The following GMDS variants were observed in gnomAD, a reference collection of about 807,000 sequenced individuals.
GMDS encodes the protein GDP-mannose 4,6 dehydratase.
Under a neutral mutation model 49.9 loss-of-function variants are expected in GMDS, and 20 were observed. That is an observed-to-expected ratio of 0.40 (90% CI 0.28 to 0.58). The LOEUF (loss-of-function observed/expected upper bound fraction) is 0.58. Ranked by LOEUF, GMDS falls within the 20% of genes least tolerant of loss-of-function variation. The pLI is 0.42. For missense variants in GMDS, 362 were observed against 481.4 expected (o/e 0.75, Z 2.32); for synonymous variants, 177 against 178.6 (o/e 0.99, Z 0.07).
At chr6:1,821,611 G>GT (rs3039703) in intron 7 of GMDS, among the ~76,000 whole-genome samples, 2,601 of 109,702 alleles carry the variant, frequency 0.024, 121 homozygotes, top group Middle Eastern at 0.04. Context: ...CAATTTATTT[G>GT]TTTTTTTTTT....
intron 9 of GMDS, among the ~76,000 whole-genome samples, chr6:1,660,621 AG>A (rs1342015535): frequency 1.2e-4 from 18 of 151,632 alleles, no homozygotes; most frequent in African/African-American, 4.1e-4. Context: ...TCAAGTAGTC[AG>A]GCAGTGTGAT....
intron 4 of GMDS, among the ~76,000 whole-genome samples, chr6:2,065,479 A>G (rs1211357978): frequency 6.6e-6 from 1 of 152,218 alleles, no homozygotes; most frequent in East Asian, 1.9e-4. Context: ...TCCGAGTTAC[A>G]AGAGGACATT....
At chr6:1,705,243 G>C (rs899590972) in intron 9 of GMDS, among the ~76,000 whole-genome samples, 4 of 152,212 alleles carry the variant, frequency 2.6e-5, no homozygotes, top group Non-Finnish European at 5.9e-5. Context: ...GGTGCACAGA[G>C]CCTTTCCAAA....
At chr6:1,722,352 G>T (rs574167384) in intron 9 of GMDS, among the ~76,000 whole-genome samples, 1 of 151,450 alleles carries the variant, frequency 6.6e-6, no homozygotes, top group South Asian at 2.1e-4. Flanking sequence ...CTCCCAAAAT[G>T]CTGGGATTAC....
At position 2,007,496 on chromosome 6, in the gene GMDS, G is replaced by A. The variant is rs184745163; in HGVS notation, c.346-46530C>T. ...CATTATCTGTCCAGGCTTTTATAAC[G>A]AAAAATTCTGTAAGAAATTTAGCCT... On this transcript the variant is annotated intron_variant, in intron 4 of 10. Coordinates refer to ENST00000380815, the MANE Select transcript of GMDS (RefSeq NM_001500.4). 7.0e-3 allele frequency among the ~76,000 whole-genome samples: 1,058 copies of A among 151,958 alleles called. 6 individuals carry two copies. The highest frequency in any genetic ancestry group is 0.028 in the Middle Eastern group (8 of 290).
At chr6:1,762,445 T>C (rs868134956) in intron 7 of GMDS, among the ~76,000 whole-genome samples, 2 of 152,274 alleles carry the variant, frequency 1.3e-5, no homozygotes, top group Admixed American at 6.5e-5. Flanking sequence ...GTAAAGGCCA[T>C]GCTCGCACGG....
rs1179713030 is a variant in GMDS at position 1,623,899 on chromosome 6, A to G, written c.*270T>C. The G allele has an allele frequency of 4.3e-6, 2 of 463,832 alleles. No homozygotes were observed. The highest frequency in any genetic ancestry group is 7.6e-6 in the Non-Finnish European group (2 of 263,130). The allele number at this position is 463,832 out of a possible 1,614,324, so 28.7% of individuals were successfully genotyped here. A position where few individuals can be genotyped will look rare whatever the true frequency, so the allele number is the denominator to read the frequency against. On this transcript the variant is annotated 3_prime_UTR_variant, in exon 11 of 11. Transcript: ENST00000380815. ...TGTGTAACAACATAATTTCAAGTAA[A>G]GTGAATGTGATTAAAACATCTTGAT...
intron 9 of GMDS, among the ~76,000 whole-genome samples, chr6:1,671,998 C>T (rs756038227): frequency 6.6e-6 from 1 of 152,004 alleles, no homozygotes; most frequent in African/African-American, 2.4e-5. Context: ...CTTTTAGTGG[C>T]AAAAATTGTG....
chr6:1,749,334 TC>T, intron 7 of GMDS, among the ~76,000 whole-genome samples: 1 of 152,130 alleles, frequency 6.6e-6, no homozygotes, highest in Non-Finnish European at 1.5e-5. Flanking sequence ...ACACCTGCAA[TC>T]TTAGCACTTT....
intron 4 of GMDS, among the ~76,000 whole-genome samples, chr6:2,055,140 G>A (rs766131714): frequency 5.3e-5 from 8 of 151,906 alleles, no homozygotes; most frequent in Admixed American, 4.6e-4. Flanking sequence ...AAGATAGAGC[G>A]ATAAAAACTA....
intron 7 of GMDS, among the ~76,000 whole-genome samples, chr6:1,785,567 G>A (rs576192064): frequency 4.2e-4 from 64 of 152,274 alleles, no homozygotes; most frequent in African/African-American, 1.5e-3. Flanking sequence ...GCCCCCTTGG[G>A]CATCCTCCCA....
intron 6 of GMDS, among the ~76,000 whole-genome samples, chr6:1,938,045 A>G (rs1762635828): frequency 6.6e-6 from 1 of 152,170 alleles, no homozygotes; most frequent in Admixed American, 6.5e-5. Flanking sequence ...GAAATACATG[A>G]TAAAACATGA....
intron 1 of GMDS, among the ~76,000 whole-genome samples, chr6:2,176,509 T>C (rs1165268920): frequency 6.6e-6 from 1 of 152,060 alleles, no homozygotes; most frequent in African/African-American, 2.4e-5. Flanking sequence ...TGGAGGAAAT[T>C]CGGGGTTGGG....
intron 6 of GMDS, among the ~76,000 whole-genome samples, chr6:1,935,919 G>C (rs2146920): frequency 0.3 from 45,107 of 151,968 alleles, 7,143 homozygotes; most frequent in Middle Eastern, 0.36. Flanking sequence ...TCAAAGAAAT[G>C]AAAGAAAATC....
At chr6:1,829,116 C>A (rs900269712) in intron 7 of GMDS, among the ~76,000 whole-genome samples, 7 of 152,162 alleles carry the variant, frequency 4.6e-5, no homozygotes, top group African/African-American at 1.7e-4. Flanking sequence ...CTTGTCTTCA[C>A]ATTGACTAGG....
chr6:2,143,589 G>C (rs1776413926), intron 1 of GMDS, among the ~76,000 whole-genome samples: 2 of 151,816 alleles, frequency 1.3e-5, no homozygotes, highest in South Asian at 4.1e-4. Flanking sequence ...CCACAGAACT[G>C]TCTGGTTTCT....
At chr6:1,751,388 T>G (rs1028259833) in intron 7 of GMDS, among the ~76,000 whole-genome samples, 8 of 152,194 alleles carry the variant, frequency 5.3e-5, no homozygotes, top group African/African-American at 1.9e-4. Flanking sequence ...CAGGCAGCAA[T>G]CTTTGCTGTT....
At chr6:2,229,673 T>G (rs1365270894) in intron 1 of GMDS, among the ~76,000 whole-genome samples, 5 of 152,212 alleles carry the variant, frequency 3.3e-5, no homozygotes, top group African/African-American at 1.2e-4. Context: ...CAGATTTATC[T>G]TAATTCCAAG....
At chr6:2,124,535 C>A (rs1775312561) in intron 2 of GMDS, 152 bp downstream of exon 2, 2 of 689,112 alleles carry the variant, frequency 2.9e-6, no homozygotes, top group Admixed American at 4.3e-5. Flanking sequence ...GGCAGGCTCA[C>A]AAGCCCAAAG....
Sources: allele counts gnomAD v4.1 joint callset (sites outside exome capture counted in the v4.1 genomes callset), GRCh38; gene constraint gnomAD v4.1.1; transcripts MANE v1.5; gene names NCBI Gene and HGNC (gene_info 2026-07-23, HGNC 2026-07-21).